Variants in FOCAD observed in about 807,000 individuals in gnomAD.
FOCAD encodes the protein focadhesin.
Under a neutral mutation model 225.6 loss-of-function variants are expected in FOCAD, and 198 were observed. The ratio of observed to expected loss-of-function variants is 0.88; its 90% confidence interval spans 0.78 to 0.99. FOCAD has a LOEUF of 0.99. Among genes scored for constraint, FOCAD ranks in the 50% least tolerant of loss-of-function variants. FOCAD has a pLI of 0.00. For missense variants in FOCAD, 2,713 were observed against 2,123.6 expected, an observed-to-expected ratio of 1.28 and a Z score of -5.46; for synonymous variants, 897 against 755.0, an observed-to-expected ratio of 1.19 and a Z score of -3.08.
intron 24 of FOCAD, among the ~76,000 whole-genome samples, chr9:20,919,386 T>G (rs910415174): frequency 3.3e-5 from 5 of 152,204 alleles, no homozygotes; most frequent in African/African-American, 9.6e-5. Context: ...ATGGCCATAC[T>G]GCCCAAGGTA....
chr9:20,966,589 C>G (rs10811440), intron 35 of FOCAD, among the ~76,000 whole-genome samples: 1 of 151,832 alleles, frequency 6.6e-6, no homozygotes, highest in Non-Finnish European at 1.5e-5. Flanking sequence ...AATCCATTGC[C>G]AAATCCAAGG....
At chr9:20,932,947 G>A (rs1244809772) in intron 27 of FOCAD, 67 bp from the exon 28 acceptor site, 5 of 1,084,530 alleles carry the variant, frequency 4.6e-6, no homozygotes, top group African/African-American at 1.5e-5. Flanking sequence ...GTATAATATT[G>A]TATTCAGTAT....
chr9:20,711,130 A>G (rs1419478313), intron 1 of FOCAD, among the ~76,000 whole-genome samples: 1 of 152,242 alleles, frequency 6.6e-6, no homozygotes, highest in East Asian at 1.9e-4. Context: ...CAATATGATT[A>G]CTGTTAGATG....
At chr9:20,822,822 C>A (rs201352570) in intron 14 of FOCAD, among the ~76,000 whole-genome samples, 167 bp from the exon 15 acceptor site, 1 of 64,420 alleles carries the variant, frequency 1.6e-5, no homozygotes, top group South Asian at 4.4e-4. Context: ...AGAAAATGAT[C>A]ATGATGCACA....
chr9:20,658,663 C>A, intron 1 of FOCAD: 24 of 154,912 alleles, frequency 1.5e-4, no homozygotes, highest in Non-Finnish European at 2.8e-4. Context: ...CACCCACTGA[C>A]CTGCGCCCAC....
chr9:20,716,072 A>G (rs574361206), intron 2 of FOCAD: 11 of 443,712 alleles, frequency 2.5e-5, no homozygotes, highest in South Asian at 1.9e-4. Flanking sequence ...GGATACTTTC[A>G]ACAATTAACT....
chr9:20,914,850 T>C (rs1227804157), intron 23 of FOCAD, among the ~76,000 whole-genome samples: 1 of 152,212 alleles, frequency 6.6e-6, no homozygotes. Context: ...TAGGAGTCCG[T>C]TGCAATAATT....
chr9:20,676,899 A>G (rs1822252740), intron 2 of FOCAD, among the ~76,000 whole-genome samples: 1 of 152,246 alleles, frequency 6.6e-6, no homozygotes, highest in South Asian at 2.1e-4. Flanking sequence ...CATAAAATTT[A>G]TAACAAACCA....
rs182528570 is a variant in FOCAD at position 20,737,889 on chromosome 9, C to T, written c.288-2347C>T. Among the ~76,000 whole-genome samples the T allele has an allele frequency of 3.9e-5, 6 of 152,176 alleles. No homozygotes were observed. In the South Asian group the frequency reaches 1.0e-3, roughly 26 times the overall value. ...TGTGAACTCTACCCTGTGACTTAGTCGAGACATTTATACCTAGGTATAGGT... is the reference window on the plus strand; with the variant it reads ...TGTGAACTCTACCCTGTGACTTAGTTGAGACATTTATACCTAGGTATAGGT... On this transcript the variant is annotated intron_variant, in intron 4 of 43. Transcript: ENST00000338382.
intron 1 of FOCAD, among the ~76,000 whole-genome samples, chr9:20,711,866 G>A (rs1476072818): frequency 6.6e-6 from 1 of 152,176 alleles, no homozygotes; most frequent in African/African-American, 2.4e-5. Flanking sequence ...TGGCTGGGGA[G>A]TGCCTCCAGG....
chr9:20,925,547 C>T (rs1043552975), intron 25 of FOCAD, among the ~76,000 whole-genome samples: 10 of 152,184 alleles, frequency 6.6e-5, no homozygotes, highest in African/African-American at 2.4e-4. Flanking sequence ...AACTTTCAAA[C>T]ATTATTCAAA....
intron 24 of FOCAD, among the ~76,000 whole-genome samples, chr9:20,917,670 A>G (rs965497920): frequency 1.3e-5 from 2 of 152,240 alleles, no homozygotes; most frequent in South Asian, 2.1e-4. Flanking sequence ...CAACACAGAT[A>G]TACCTTTGAC....
chr9:20,706,135 A>T (rs1824370015), intron 1 of FOCAD, among the ~76,000 whole-genome samples: 1 of 151,762 alleles, frequency 6.6e-6, no homozygotes, highest in East Asian at 1.9e-4. Context: ...GAGTCTCCTT[A>T]TGTTGCCCAG....
chr9:20,803,635 G>A (rs369647264), intron 11 of FOCAD, among the ~76,000 whole-genome samples: 1 of 152,074 alleles, frequency 6.6e-6, no homozygotes, highest in South Asian at 2.1e-4. Flanking sequence ...GGACTCTATT[G>A]AAAGAAGCAG....
upstream of FOCAD, chr9:20,684,081 A>T (rs1378533157): frequency 1.3e-5 from 2 of 152,044 alleles, no homozygotes; most frequent in Non-Finnish European, 2.9e-5. Flanking sequence ...TCCGCCGCCC[A>T]CGCCGCCTTT....
intron 2 of FOCAD, among the ~76,000 whole-genome samples, chr9:20,673,543 T>G (rs1296498274): frequency 6.6e-6 from 1 of 152,196 alleles, no homozygotes; most frequent in Non-Finnish European, 1.5e-5. Flanking sequence ...TAGCTACTTG[T>G]ATATCTACTT....
chr9:20,677,682 G>C (rs1251831915), intron 2 of FOCAD, among the ~76,000 whole-genome samples: 1 of 151,646 alleles, frequency 6.6e-6, no homozygotes, highest in African/African-American at 2.4e-5. Context: ...GTTAGAAAAG[G>C]TAACAAGTGT....
chr9:20,942,443 A>G (rs1221638892), intron 28 of FOCAD, among the ~76,000 whole-genome samples: 1 of 152,246 alleles, frequency 6.6e-6, no homozygotes, highest in African/African-American at 2.4e-5. Flanking sequence ...TTTGTTTTCC[A>G]GATGAGCCCA....
At chr9:20,689,242 A>G (rs755422727) in intron 1 of FOCAD, among the ~76,000 whole-genome samples, 30 of 152,010 alleles carry the variant, frequency 2.0e-4, no homozygotes, top group Non-Finnish European at 2.9e-4. Flanking sequence ...GGCTGTGGAT[A>G]TAGATGGTAG....
Sources: gnomAD v4.1 joint callset for allele counts (sites outside exome capture counted in the v4.1 genomes callset) on GRCh38, gnomAD v4.1.1 for gene constraint, MANE v1.5 for transcripts, NCBI Gene and HGNC (gene_info 2026-07-23, HGNC 2026-07-21) for gene names.